CCDC62: variants seen among roughly 807,000 people sequenced by gnomAD.
CCDC62 encodes coiled-coil domain-containing protein 62.
CCDC62 carries 72 observed loss-of-function variants against 80.8 expected under a neutral mutation model. That is an observed-to-expected ratio of 0.89 (90% CI 0.74 to 1.08). The LOEUF is 1.08. Among genes scored for constraint, CCDC62 ranks in the 50% least tolerant of loss-of-function variants. The probability of loss-of-function intolerance (pLI) is 0.00; values close to 1 mark genes in which losing one functional copy is unlikely to be tolerated. For synonymous variants in CCDC62, 286 were observed against 296.5 expected, an observed-to-expected ratio of 0.96 and a Z score of 0.36; for missense variants, 704 against 809.4, an observed-to-expected ratio of 0.87 and a Z score of 1.58.
At position 122,788,863 on chromosome 12, in the gene CCDC62, G is replaced by C; in HGVS notation, c.604G>C (p.Val202Leu). ...TGCCAAGATGGCGGAGACTTGTATT[G>C]TGAAAGAAAAGCAAGATTATAAGCA... ...RDAKMAETCI[V>L]KEKQDYKQKL... The change falls in exon 5 of 13, where the codon GTG becomes CTG. Residue 202 changes from valine (V) to leucine (L), a missense_variant. By Grantham distance (32) the Val-to-Leu change is conservative. Transcript: ENST00000253079. 1 of 1,611,478 alleles carries C rather than the reference G, an allele frequency of 6.2e-7. No individual in the cohort carries two copies. Among genetic ancestry groups the C allele is most frequent in the South Asian group, 1.1e-5 (1 of 90,200 alleles).
intron 3 of CCDC62, among the ~76,000 whole-genome samples, chr12:122,784,384 G>A (rs1168093871): frequency 6.6e-6 from 1 of 152,120 alleles, no homozygotes; most frequent in African/African-American, 2.4e-5. Context: ...AGCTGGGCAT[G>A]GTGGCACGTG....
intron 2 of CCDC62, among the ~76,000 whole-genome samples, chr12:122,779,654 T>C (rs1201903049): frequency 2.0e-5 from 3 of 152,172 alleles, no homozygotes; most frequent in Non-Finnish European, 2.9e-5. Flanking sequence ...ACATCTGTAA[T>C]CCTAGCACTT....
rs1461563282 is a variant in CCDC62, at chr12:122,801,109, C to T, written c.978-15C>T. 1.0e-5 allele frequency: 16 copies of T among 1,578,844 alleles called. No individual in the cohort carries two copies. In the Admixed American group the frequency reaches 1.8e-4, roughly 17 times the overall value. On this transcript the variant is annotated splice_polypyrimidine_tract_variant and intron_variant, in intron 8 of 12. Coordinates refer to ENST00000253079, the MANE Select transcript of CCDC62 (RefSeq NM_201435.5). Reference sequence around the variant, plus strand: ...ATATCTTATAACCTCCATTTTTTTTCTAATGCCACCATAGCAGAGACATGT... The same window carrying T: ...ATATCTTATAACCTCCATTTTTTTTTTAATGCCACCATAGCAGAGACATGT...
chr12:122,788,954 A>G lies in CCDC62; in HGVS notation c.670+25A>G, dbSNP rs372220177. 6.7e-6 allele frequency: 10 copies of G among 1,503,176 alleles called. No individual in the cohort carries two copies. The African/African-American group carries it at 1.3e-4, about 19-fold the overall frequency. 93.1% of individuals were successfully genotyped at this position (1,503,176 alleles called of 1,614,324 possible). A position where few individuals can be genotyped will look rare whatever the true frequency, so the allele number is the denominator to read the frequency against. ...GGTAAGGAAGAGACCTACATTTAAG[A>G]TACAAATGTATTATCTTGGGAATAT... is the stretch of plus-strand genomic sequence containing the variant. On this transcript the variant is annotated intron_variant, in intron 5 of 12. Coordinates refer to ENST00000253079, the MANE Select transcript of CCDC62 (RefSeq NM_201435.5).
intron 8 of CCDC62, among the ~76,000 whole-genome samples, chr12:122,800,764 G>A (rs1465882243): frequency 1.8e-5 from 1 of 55,282 alleles, no homozygotes; most frequent in Non-Finnish European, 6.1e-5. Context: ...ATAGTTTATA[G>A]CATTATGGAA....
intron 4 of CCDC62, among the ~76,000 whole-genome samples, chr12:122,786,526 AC>A (rs1397549162): frequency 6.6e-6 from 1 of 152,130 alleles, no homozygotes; most frequent in African/African-American, 2.4e-5. Flanking sequence ...ATACAACGAT[AC>A]ACACTCTCCT....
Position 122,813,022 on chromosome 12 carries a change from A to C in CCDC62, c.1852-248A>C, listed in dbSNP as rs138422261. Among the ~76,000 whole-genome samples the C allele has an allele frequency of 2.2e-3, 231 of 103,084 alleles. 1 individual carries two copies. Among genetic ancestry groups the C allele is most frequent in the African/African-American group, 6.5e-3 (212 of 32,404 alleles). 67.6% of individuals were successfully genotyped at this position (103,084 alleles called of 152,430 possible). ...AGACCAGCCTGGGCAACATAGTGAG[A>C]TCCCACCTCTACCAAAAAAAAAATT... is the stretch of plus-strand genomic sequence containing the variant. On this transcript the variant is annotated intron_variant, in intron 10 of 12. Coordinates refer to ENST00000253079, the MANE Select transcript of CCDC62 (RefSeq NM_201435.5).
At chr12:122,792,846 G>A (rs541595327) in intron 6 of CCDC62, among the ~76,000 whole-genome samples, 1 of 152,052 alleles carries the variant, frequency 6.6e-6, no homozygotes, top group South Asian at 2.1e-4. Flanking sequence ...ACCCTTTGTG[G>A]GACCGATGGT....
intron 3 of CCDC62, among the ~76,000 whole-genome samples, chr12:122,782,337 C>T (rs1299807233): frequency 1.3e-5 from 2 of 152,140 alleles, no homozygotes; most frequent in East Asian, 3.9e-4. Context: ...GCTTTTTAAC[C>T]GTTATGCCAT....
chr12:122,795,670 C>T (rs932050140), intron 6 of CCDC62, among the ~76,000 whole-genome samples: 2 of 152,118 alleles, frequency 1.3e-5, no homozygotes, highest in Non-Finnish European at 2.9e-5. Context: ...ATGATCTGCC[C>T]ACCTTGGCCT....
Position 122,792,046 on chromosome 12 carries a change from A to G in CCDC62, c.697A>G (p.Asn233Asp). ...GGACCTCAATGAAAAGACGACAGAA[A>G]ATAATGAGCAACGAGAAGAGATCAT... ...KEDLNEKTTE[N>D]NEQREEIIRL... The change falls in exon 6 of 13, where the codon AAT (asparagine) becomes GAT (aspartate). Residue 233 changes from asparagine to aspartate, a missense_variant. Physicochemically the swap from Asn to Asp is conservative, Grantham distance 23. Transcript: ENST00000253079. The G allele has an allele frequency of 6.2e-7, 1 of 1,614,074 alleles. No individual in the cohort carries two copies. The highest frequency in any genetic ancestry group is 8.5e-7 in the Non-Finnish European group (1 of 1,179,940).
At chr12:122,806,332 G>A (rs1316464400) in intron 10 of CCDC62, 37 bp downstream of exon 10, 1 of 1,550,368 alleles carries the variant, frequency 6.5e-7, no homozygotes, top group Non-Finnish European at 8.8e-7. Context: ...GCTTACTCAA[G>A]CCAGGCCTCT....
At chr12:122,825,513 A>ATT (rs79790987) in intron 12 of CCDC62, among the ~76,000 whole-genome samples, 1,651 of 131,414 alleles carry the variant, frequency 0.013, 47 homozygotes, top group African/African-American at 0.04. Context: ...TGCCCGGCTA[A>ATT]TTTTTTTTTT....
At chr12:122,823,977 C>A (rs2032511225) in intron 12 of CCDC62, among the ~76,000 whole-genome samples, 1 of 151,666 alleles carries the variant, frequency 6.6e-6, no homozygotes, top group Admixed American at 6.6e-5. Context: ...CAGAGCAAGA[C>A]TCCGTCTCAA....
At chr12:122,817,624 C>T (rs900560231) in intron 11 of CCDC62, among the ~76,000 whole-genome samples, 10 of 151,996 alleles carry the variant, frequency 6.6e-5, no homozygotes, top group East Asian at 3.9e-4. Flanking sequence ...ATGCCTGGCC[C>T]AAATTCACGT....
chr12:122,799,626 C>G (rs1004224834), intron 8 of CCDC62, among the ~76,000 whole-genome samples: 2 of 152,174 alleles, frequency 1.3e-5, no homozygotes, highest in African/African-American at 4.8e-5. Context: ...TACCACAGCT[C>G]AACTTAGTCT....
intron 10 of CCDC62, among the ~76,000 whole-genome samples, chr12:122,811,580 G>T (rs1327911387): frequency 6.6e-6 from 1 of 151,278 alleles, no homozygotes; most frequent in Non-Finnish European, 1.5e-5. Flanking sequence ...AGCACTTTTG[G>T]AGGCTAAGGA....
chr12:122,819,941 A>G (rs576702368), intron 11 of CCDC62, among the ~76,000 whole-genome samples: 1 of 151,654 alleles, frequency 6.6e-6, no homozygotes, highest in South Asian at 2.1e-4. Context: ...GCACACTTGT[A>G]GTCCCAGGCA....
chr12:122,807,590 G>A (rs184283894), intron 10 of CCDC62, among the ~76,000 whole-genome samples: 3 of 151,538 alleles, frequency 2.0e-5, no homozygotes, highest in Non-Finnish European at 4.4e-5. Context: ...ATACCAGGGT[G>A]GCAAATTGAA....
Sources: gnomAD v4.1 joint callset for allele counts (sites outside exome capture counted in the v4.1 genomes callset) on GRCh38, gnomAD v4.1.1 for gene constraint, MANE v1.5 for transcripts, NCBI Gene and HGNC (gene_info 2026-07-23, HGNC 2026-07-21) for gene names.